DDX50: variants seen among roughly 807,000 people sequenced by gnomAD.
DDX50 encodes ATP-dependent RNA helicase DDX50.
A neutral mutation model predicts 94.8 loss-of-function variants in DDX50; 56 were observed. That is an observed-to-expected ratio of 0.59 (90% CI 0.48 to 0.74). DDX50 has a LOEUF of 0.74. Among genes scored for constraint, DDX50 ranks in the 30% least tolerant of loss-of-function variants. The pLI is 0.00. For synonymous variants in DDX50, 264 were observed against 295.4 expected, an observed-to-expected ratio of 0.89 and a Z score of 1.09; for missense variants, 713 against 881.2, an observed-to-expected ratio of 0.81 and a Z score of 2.42.
At chr10:68,924,988 T>G (rs1283601485) in intron 8 of DDX50, among the ~76,000 whole-genome samples, 1 of 152,076 alleles carries the variant, frequency 6.6e-6, no homozygotes, top group Non-Finnish European at 1.5e-5. Flanking sequence ...AGCTTTTCAG[T>G]ATGCTTTCAA....
At chr10:68,943,154 C>CA (rs1160859028) in intron 13 of DDX50, 59 bp from the exon 14 acceptor site, 174 of 1,533,044 alleles carry the variant, frequency 1.1e-4, no homozygotes, top group Non-Finnish European at 1.3e-4. Context: ...ATTAGTAAAA[C>CA]AAAAAAAATC....
chr10:68,941,522 C>T (rs1253194576), intron 13 of DDX50, among the ~76,000 whole-genome samples: 1 of 152,158 alleles, frequency 6.6e-6, no homozygotes, highest in East Asian at 1.9e-4. Flanking sequence ...TGAGGTCTCA[C>T]TATTTGCCCA....
chr10:68,910,182 GT>G (rs979186451), intron 2 of DDX50, 124 bp from the exon 3 acceptor site: 148 of 833,290 alleles, frequency 1.8e-4, no homozygotes, highest in Non-Finnish European at 1.9e-4. Flanking sequence ...GTGGGACCCT[GT>G]TTCAAAAAAA....
intron 12 of DDX50, among the ~76,000 whole-genome samples, chr10:68,937,991 C>A (rs1000499412): frequency 6.6e-6 from 1 of 152,170 alleles, no homozygotes; most frequent in Non-Finnish European, 1.5e-5. Flanking sequence ...TGCTACATAA[C>A]CACAATATAA....
In DDX50 at chr10:68,901,489, C is replaced by T. The variant is rs1441856808; in HGVS notation, c.87+18C>T. The T allele has an allele frequency of 6.4e-7, 1 of 1,553,538 alleles. No individual in the cohort carries two copies. Among genetic ancestry groups the T allele is most frequent in the Non-Finnish European group, 8.7e-7 (1 of 1,148,662 alleles). ...GGCAAAAGGTGCGCTGAGCATGGGCCGCGCCTCCTTTTGGGCTGCGCCGGC... is the reference window on the plus strand; with the variant it reads ...GGCAAAAGGTGCGCTGAGCATGGGCTGCGCCTCCTTTTGGGCTGCGCCGGC... On this transcript the variant is annotated intron_variant, in intron 1 of 14. Coordinates refer to ENST00000373585, the MANE Select transcript of DDX50 (RefSeq NM_024045.2).
chr10:68,926,723 AAATG>A (rs1052920845), intron 8 of DDX50, among the ~76,000 whole-genome samples: 2 of 151,694 alleles, frequency 1.3e-5, no homozygotes, highest in South Asian at 2.1e-4. Context: ...CCCACTCTCT[AAATG>A]AATGAATGAA....
intron 10 of DDX50, among the ~76,000 whole-genome samples, chr10:68,935,690 C>G (rs969473165): frequency 4.6e-5 from 7 of 152,038 alleles, no homozygotes; most frequent in African/African-American, 1.7e-4. Flanking sequence ...CCAAAATTAG[C>G]TGGGCATGGT....
At chr10:68,929,298 T>TTCCTTCCTTCCTTCCTTCCTTC (rs772081551) in intron 8 of DDX50, among the ~76,000 whole-genome samples, 1 of 132,282 alleles carries the variant, frequency 7.6e-6, no homozygotes, top group Non-Finnish European at 1.5e-5. Flanking sequence ...CCTTCCTCTC[T>TTCCTTCCTTCCTTCCTTCCTTC]CTCTCTCTCT....
At chr10:68,925,281 T>TA in intron 8 of DDX50, among the ~76,000 whole-genome samples, 1 of 151,838 alleles carries the variant, frequency 6.6e-6, no homozygotes, top group Non-Finnish European at 1.5e-5. Context: ...TTTTTTTTTT[T>TA]TTATTTTTAG....
At chr10:68,937,241 C>T in intron 12 of DDX50, 146 bp downstream of exon 12, 1 of 844,626 alleles carries the variant, frequency 1.2e-6, no homozygotes, top group Non-Finnish European at 1.7e-6. Context: ...CCTCTACTCC[C>T]TAATAAATCC....
rs748915927 is a variant in DDX50, at chr10:68,936,949, G to C, written c.1609G>C (p.Val537Leu). 1 of 1,604,906 alleles carries C rather than the reference G, an allele frequency of 6.2e-7. No homozygotes were observed. The highest frequency in any genetic ancestry group is 8.5e-7 in the Non-Finnish European group (1 of 1,175,400). Residue 537 changes from valine (V) to leucine (L), a missense_variant, in exon 12 of 15, where the codon GTT becomes CTT. This residue lies in a region of DDX50 where 428 missense variants were observed against 602.3 expected (regional missense o/e 0.71). Transcript: ENST00000373585. ...TTTAAACCATAGGTCTCTGGCTTCC[G>C]TTTCTTACGCTGCTGTTGATTTTTT... The part of the protein sequence containing the change: ...SMDAIRSLAS[V>L]SYAAVDFFRP...
At position 68,946,471 on chromosome 10, in the gene DDX50, T is replaced by TCGATCAGGC. The variant is rs752461518; in HGVS notation, c.2058_2066dup (p.Arg692_Gly694dup). Reference sequence around the variant, plus strand: ...GACAGAGGAGTGGCTGGTCAAGTGGTCGATCAGGCCGGTCAGGCCGGTCAG... The same window carrying TCGATCAGGC: ...GACAGAGGAGTGGCTGGTCAAGTGGTCGATCAGGCCGATCAGGCCGGTCAGGCCGGTCAG... On this transcript the variant is annotated inframe_insertion, in exon 15 of 15. Transcript: ENST00000373585. 3 of 1,614,010 alleles carry TCGATCAGGC rather than the reference T, an allele frequency of 1.9e-6. No individual in the cohort carries two copies. Among genetic ancestry groups the TCGATCAGGC allele is most frequent in the African/African-American group, 1.3e-5 (1 of 74,918 alleles).
chr10:68,902,225 C>T (rs1475109142), intron 1 of DDX50, among the ~76,000 whole-genome samples: 1 of 125,278 alleles, frequency 8.0e-6, no homozygotes, highest in African/African-American at 2.8e-5. Context: ...AAAGAAAAAA[C>T]ATCCTGAAAC....
At chr10:68,938,383 C>CA (rs1229558329) in intron 12 of DDX50, among the ~76,000 whole-genome samples, 1 of 152,116 alleles carries the variant, frequency 6.6e-6, no homozygotes, top group Non-Finnish European at 1.5e-5. Flanking sequence ...GCAGGTAGCT[C>CA]AGAGATTTTT....
chr10:68,924,144 G>A (rs1842015333), intron 8 of DDX50, among the ~76,000 whole-genome samples: 1 of 151,072 alleles, frequency 6.6e-6, no homozygotes. Context: ...GCTAATTTTT[G>A]TATTTTTTGT....
intron 7 of DDX50, 24 bp from the exon 8 acceptor site, chr10:68,919,808 A>G: frequency 1.2e-6 from 2 of 1,603,894 alleles, no homozygotes; most frequent in Non-Finnish European, 1.7e-6. Context: ...GAAACAAATA[A>G]TGTGGTATTT....
At chr10:68,938,333 C>T (rs555012590) in intron 12 of DDX50, among the ~76,000 whole-genome samples, 2 of 152,284 alleles carry the variant, frequency 1.3e-5, no homozygotes, top group East Asian at 1.9e-4. Flanking sequence ...CTGCCAGATT[C>T]GTATCACATG....
At chr10:68,940,352 C>G (rs1421856627) in intron 12 of DDX50, among the ~76,000 whole-genome samples, 2 of 150,342 alleles carry the variant, frequency 1.3e-5, no homozygotes, top group African/African-American at 4.9e-5. Context: ...GCATTCCAAC[C>G]TGGGTGACAG....
chr10:68,936,060 A>G lies in DDX50; in HGVS notation c.1576A>G (p.Lys526Glu), dbSNP rs1842399563. The G allele has an allele frequency of 3.7e-6, 6 of 1,610,272 alleles. No homozygotes were observed. The highest frequency in any genetic ancestry group is 1.1e-5 in the South Asian group (1 of 90,422). Residue 526 changes from lysine to glutamate, a missense_variant, in exon 11 of 15, where the codon AAA becomes GAA. Coordinates refer to ENST00000373585, the MANE Select transcript of DDX50 (RefSeq NM_024045.2). ...TTCTACAATGGATTTAGTTAAATCT[A>G]AAAGCATGGATGCCATCAGGTATGC... is the stretch of plus-strand genomic sequence containing the variant. ...VPSTMDLVKS[K>E]SMDAIRSLAS... is the part of the protein sequence containing the mutation.
Sources: allele counts gnomAD v4.1 joint callset (sites outside exome capture counted in the v4.1 genomes callset), GRCh38; gene constraint gnomAD v4.1.1; regional missense constraint gnomAD v4.1.1; transcripts MANE v1.5; gene names NCBI Gene and HGNC (gene_info 2026-07-23, HGNC 2026-07-21).